Variants in NOX3 observed in about 807,000 individuals in gnomAD.
NOX3 encodes the protein NADPH oxidase catalytic subunit-like 3.
In NOX3, 74 loss-of-function variants were observed where a neutral mutation model predicts 76.7. That is an observed-to-expected ratio of 0.96 (90% CI 0.80 to 1.17). NOX3 has a LOEUF of 1.17. Among genes scored for constraint, NOX3 ranks in the 50% most tolerant of loss-of-function variants. NOX3 has a pLI of 0.00. For synonymous variants in NOX3, 263 were observed against 261.1 expected (o/e 1.01, Z -0.07); for missense variants, 695 against 703.3 (o/e 0.99, Z 0.13).
At chr6:155,445,981 C>CTATATA (rs61040526) in intron 4 of NOX3, among the ~76,000 whole-genome samples, 1,490 of 104,170 alleles carry the variant, frequency 0.014, 13 homozygotes, top group East Asian at 0.046. Context: ...TATATATATG[C>CTATATA]TATATATATA....
chr6:155,405,941 G>A (rs896747855), intron 12 of NOX3, among the ~76,000 whole-genome samples: 8 of 152,060 alleles, frequency 5.3e-5, no homozygotes, highest in Non-Finnish European at 8.8e-5. Context: ...ACAATGACTC[G>A]CAGCTGTCTT....
chr6:155,440,691 A>C (rs560693585), intron 5 of NOX3, among the ~76,000 whole-genome samples: 40 of 143,746 alleles, frequency 2.8e-4, no homozygotes, highest in African/African-American at 1.1e-3. Context: ...AACAAAAAAA[A>C]AAAAAACCAA....
intron 10 of NOX3, among the ~76,000 whole-genome samples, chr6:155,417,556 G>A (rs1296696704): frequency 6.6e-6 from 1 of 152,170 alleles, no homozygotes; most frequent in South Asian, 2.1e-4. Context: ...AAGACAAGAA[G>A]CATACATTTC....
At position 155,455,787 on chromosome 6, in the gene NOX3, C is replaced by T. The variant is rs1777206903; in HGVS notation, c.14G>A (p.Trp5Ter). 2 of 1,613,890 alleles carry T rather than the reference C, an allele frequency of 1.2e-6. No homozygotes were observed. The highest frequency in any genetic ancestry group is 1.7e-6 in the Non-Finnish European group (2 of 1,179,814). Residue 5 changes from tryptophan (W) to a stop codon, truncating the protein, a stop_gained, in exon 1 of 14, where the codon TGG becomes TAG. Transcript: ENST00000159060. LOFTEE classifies it high-confidence loss of function. ...GGTGGAGAGACCCTCATTCAAAATC[C>T]AGCACCCCATCATGATACTTGTTGC... The part of the protein sequence containing the change: MMGC[W>*]ILNEGLSTIL...
intron 10 of NOX3, among the ~76,000 whole-genome samples, chr6:155,417,422 G>C (rs1256590846): frequency 6.6e-6 from 1 of 152,202 alleles, no homozygotes; most frequent in African/African-American, 2.4e-5. Flanking sequence ...TTTGCAAGAA[G>C]ACTGTAGTCA....
At chr6:155,427,821 G>C (rs1167506133) in intron 9 of NOX3, among the ~76,000 whole-genome samples, 9 of 152,156 alleles carry the variant, frequency 5.9e-5, no homozygotes, top group African/African-American at 2.2e-4. Context: ...ATTGTTTACT[G>C]AACAGAGCTG....
At chr6:155,402,930 C>T (rs1779253317) in intron 12 of NOX3, among the ~76,000 whole-genome samples, 1 of 152,202 alleles carries the variant, frequency 6.6e-6, no homozygotes, top group Non-Finnish European at 1.5e-5. Flanking sequence ...AAGATATGAG[C>T]TAACGACAGG....
At chr6:155,409,940 G>GTATTCCCAC (rs1776519788) in intron 11 of NOX3, among the ~76,000 whole-genome samples, 2 of 152,106 alleles carry the variant, frequency 1.3e-5, no homozygotes, top group Admixed American at 6.6e-5. Context: ...CTCCCAGTTG[G>GTATTCCCAC]CAAGGAATAC....
chr6:155,453,113 G>A (rs1777168367), intron 4 of NOX3, among the ~76,000 whole-genome samples: 1 of 152,150 alleles, frequency 6.6e-6, no homozygotes, highest in Admixed American at 6.6e-5. Flanking sequence ...ATAACAAAGT[G>A]TCCCTTTTTC....
Position 155,415,288 on chromosome 6 carries a change from C to G in NOX3, c.1309-3928G>C, listed in dbSNP as rs115961005. Among the ~76,000 whole-genome samples, 546 of 152,296 alleles carry G rather than the reference C, an allele frequency of 3.6e-3. 5 individuals carry two copies. Among genetic ancestry groups the G allele is most frequent in the African/African-American group, 0.013 (526 of 41,554 alleles). The stretch of plus-strand genomic sequence containing the variant: ...CAGTTTCAGAAAATGAATTGAGAAG[C>G]ACTACCAATCTGTGTTACTATGAGA... On this transcript the variant is annotated intron_variant, in intron 10 of 13. Transcript: ENST00000159060.
intron 13 of NOX3, among the ~76,000 whole-genome samples, chr6:155,396,042 C>T (rs775524946): frequency 6.6e-6 from 1 of 152,120 alleles, no homozygotes; most frequent in East Asian, 1.9e-4. Context: ...ATACTAGTCA[C>T]GCTTCTCAAT....
chr6:155,431,090 T>C (rs999815480), intron 7 of NOX3, among the ~76,000 whole-genome samples, 155 bp from the exon 8 acceptor site: 1 of 152,230 alleles, frequency 6.6e-6, no homozygotes, highest in African/African-American at 2.4e-5. Context: ...CTCCTTGTAT[T>C]ATATACTATA....
In NOX3 at chr6:155,436,410, A is replaced by G; in HGVS notation, c.798+8T>C. The G allele has an allele frequency of 6.2e-7, 1 of 1,613,972 alleles. No individual in the cohort carries two copies. The highest frequency in any genetic ancestry group is 8.5e-7 in the Non-Finnish European group (1 of 1,179,886). ...TTTATTTTTAAAAGCTCCTGGGTTC[A>G]TTCTTACCGAGGGTTCCTTGCCAGA... On this transcript the variant is annotated splice_region_variant and intron_variant, in intron 7 of 13. Transcript: ENST00000159060.
chr6:155,448,780 C>G (rs1460852357), intron 4 of NOX3, among the ~76,000 whole-genome samples: 2 of 152,082 alleles, frequency 1.3e-5, no homozygotes, highest in Non-Finnish European at 2.9e-5. Flanking sequence ...GAAGTGTGGT[C>G]TGTCCTTGCT....
At chr6:155,427,595 C>A (rs542231413) in intron 9 of NOX3, among the ~76,000 whole-genome samples, 3 of 152,228 alleles carry the variant, frequency 2.0e-5, no homozygotes, top group Admixed American at 1.3e-4. Flanking sequence ...AGCTCCCTAC[C>A]ACAGTGCTCA....
intron 12 of NOX3, among the ~76,000 whole-genome samples, chr6:155,398,186 T>C (rs1779164669): frequency 6.6e-6 from 1 of 152,138 alleles, no homozygotes; most frequent in South Asian, 2.1e-4. Flanking sequence ...TTACTGTGCA[T>C]AAAATCATCT....
chr6:155,407,105 G>C (rs770955724), intron 12 of NOX3, 25 bp downstream of exon 12: 6 of 1,613,718 alleles, frequency 3.7e-6, no homozygotes, highest in Non-Finnish European at 5.1e-6. Context: ...AGCCTGGCAG[G>C]GAGAGGAGCA....
At position 155,404,110 on chromosome 6, in the gene NOX3, AAT is replaced by A. The variant is rs762930879; in HGVS notation, c.1580+3018_1580+3019del. Among the ~76,000 whole-genome samples, 308 of 131,192 alleles carry A rather than the reference AAT, an allele frequency of 2.3e-3. 3 individuals carry two copies. The highest frequency in any genetic ancestry group is 3.1e-3 in the Non-Finnish European group (201 of 65,050). The allele number at this position is 131,192 out of a possible 152,430, so 86.1% of individuals were successfully genotyped here. On this transcript the variant is annotated intron_variant, in intron 12 of 13. Transcript: ENST00000159060. ...ACCGAACGTAAAACATTTATCAGTG[AAT>A]ATATATATATATATATTTTTTTTTT... is the stretch of plus-strand genomic sequence containing the variant.
intron 6 of NOX3, 143 bp from the exon 7 acceptor site, chr6:155,436,690 A>G (rs1176032153): frequency 1.2e-6 from 1 of 802,172 alleles, no homozygotes; most frequent in Middle Eastern, 3.2e-4. Flanking sequence ...GCTGTCATTC[A>G]TTTCCCCCAG....
Sources: gnomAD v4.1 joint callset for allele counts (sites outside exome capture counted in the v4.1 genomes callset) on GRCh38, gnomAD v4.1.1 for gene constraint, MANE v1.5 for transcripts, NCBI Gene and HGNC (gene_info 2026-07-23, HGNC 2026-07-21) for gene names.